Variants in LPAR1 observed in about 807,000 individuals in gnomAD.
LPAR1 encodes the protein lysophosphatidic acid receptor 1.
LPAR1 carries 5 observed loss-of-function variants against 23.8 expected under a neutral mutation model. The observed-to-expected ratio is 0.21, with a 90% CI of 0.11 to 0.44. The LOEUF is 0.44. LPAR1 is among the 20% of genes least tolerant of loss of function. LPAR1 has a pLI of 0.99. For missense variants in LPAR1, 311 were observed against 482.8 expected, an observed-to-expected ratio of 0.64 and a Z score of 3.33; for synonymous variants, 160 against 164.7, an observed-to-expected ratio of 0.97 and a Z score of 0.22.
intron 5 of LPAR1, among the ~76,000 whole-genome samples, chr9:110,881,519 G>A (rs1480319849): frequency 6.6e-6 from 1 of 152,044 alleles, no homozygotes; most frequent in African/African-American, 2.4e-5. Flanking sequence ...ATTAAGTAGT[G>A]TGTATTGCGC....
intron 5 of LPAR1, among the ~76,000 whole-genome samples, chr9:110,926,723 T>C (rs1267021922): frequency 6.6e-6 from 1 of 152,036 alleles, no homozygotes; most frequent in Non-Finnish European, 1.5e-5. Context: ...TCTCCTTTCC[T>C]TTCCTTTTCC....
chr9:110,938,733 G>C (rs143662848), intron 5 of LPAR1, among the ~76,000 whole-genome samples: 197 of 152,030 alleles, frequency 1.3e-3, no homozygotes, highest in Non-Finnish European at 1.7e-3. Context: ...GGGTAGCTGG[G>C]TGTGGTGGTA....
intron 2 of LPAR1, among the ~76,000 whole-genome samples, chr9:111,000,068 C>T (rs1391887101): frequency 1.3e-5 from 2 of 152,150 alleles, no homozygotes; most frequent in East Asian, 3.9e-4. Context: ...GCCCTTATGA[C>T]CTAATCACCT....
intron 4 of LPAR1, among the ~76,000 whole-genome samples, chr9:110,965,361 T>A (rs1003952316): frequency 1.3e-5 from 2 of 151,972 alleles, no homozygotes; most frequent in African/African-American, 4.8e-5. Flanking sequence ...GGGAGAAAAA[T>A]TTTGCAATCT....
intron 2 of LPAR1, among the ~76,000 whole-genome samples, chr9:110,991,621 G>GTTT (rs879878639): frequency 6.6e-6 from 1 of 150,688 alleles, no homozygotes. Flanking sequence ...TGTTGTTGTT[G>GTTT]TTTTTTGGGA....
chr9:111,020,008 CT>C (rs1216701875), intron 2 of LPAR1, among the ~76,000 whole-genome samples: 1 of 152,176 alleles, frequency 6.6e-6, no homozygotes, highest in African/African-American at 2.4e-5. Flanking sequence ...CTCACACAGC[CT>C]TTCCTTGGTG....
At chr9:110,954,175 T>C (rs1194796442) in intron 4 of LPAR1, among the ~76,000 whole-genome samples, 1 of 151,872 alleles carries the variant, frequency 6.6e-6, no homozygotes, top group Non-Finnish European at 1.5e-5. Context: ...ACAAAATACA[T>C]TCAAAAAGCT....
intron 2 of LPAR1, among the ~76,000 whole-genome samples, chr9:111,003,919 A>T (rs1437297222): frequency 6.6e-6 from 1 of 152,226 alleles, no homozygotes; most frequent in African/African-American, 2.4e-5. Context: ...ATTTATTTGC[A>T]TATGTCTTGG....
intron 5 of LPAR1, 52 bp from the exon 6 acceptor site, chr9:110,875,774 A>C: frequency 9.7e-7 from 1 of 1,025,680 alleles, no homozygotes; most frequent in East Asian, 2.6e-5. Context: ...AGAATGAAAA[A>C]ATATTATAAA....
chr9:111,016,378 C>T (rs1048250275), intron 2 of LPAR1, among the ~76,000 whole-genome samples: 2 of 152,190 alleles, frequency 1.3e-5, no homozygotes, highest in Non-Finnish European at 2.9e-5. Context: ...AATCATAATG[C>T]CCACCTGTCT....
intron 2 of LPAR1, among the ~76,000 whole-genome samples, chr9:111,028,188 T>C (rs1588938863): frequency 6.6e-6 from 1 of 151,870 alleles, no homozygotes; most frequent in South Asian, 2.1e-4. Flanking sequence ...TGGAGTGCAG[T>C]GGCACAAACT....
rs144779089 is a variant in LPAR1, at chr9:110,941,830, A to G, written c.384T>C (p.Ile128=). The change falls in exon 5 of 6, where the codon ATT becomes ATC. Residue 128 remains isoleucine (I), a synonymous_variant. Transcript: ENST00000683809. The surrounding 1 kb of genome is among the most constrained non-coding windows in gnomAD (Gnocchi z 6.1). Reference sequence around the variant, plus strand: ...CCACAGATGCCGTCAGGCTGGTGTCAATGAGGCCCTGACGAAGGAGCCATG... The same window carrying G: ...CCACAGATGCCGTCAGGCTGGTGTCGATGAGGCCCTGACGAAGGAGCCATG... ...VSTWLLRQGL[I]DTSLTASVAN... is the part of the protein sequence containing the mutation. 1 of 1,614,214 alleles carries G rather than the reference A, an allele frequency of 6.2e-7. No homozygotes were observed. The highest frequency in any genetic ancestry group is 1.3e-5 in the African/African-American group (1 of 75,064).
intron 2 of LPAR1, among the ~76,000 whole-genome samples, chr9:110,988,634 T>C (rs1441592367): frequency 9.6e-6 from 1 of 103,900 alleles, no homozygotes; most frequent in Non-Finnish European, 2.1e-5. Context: ...TTAAAAGACA[T>C]AATAACAAGT....
intron 5 of LPAR1, among the ~76,000 whole-genome samples, chr9:110,897,721 A>G (rs2086936899): frequency 6.6e-6 from 1 of 152,192 alleles, no homozygotes; most frequent in African/African-American, 2.4e-5. Flanking sequence ...AAAAGGAAAA[A>G]GACAACTGGA....
chr9:110,879,358 C>A (rs1274450661), intron 5 of LPAR1, among the ~76,000 whole-genome samples: 1 of 133,672 alleles, frequency 7.5e-6, no homozygotes, highest in African/African-American at 2.9e-5. Context: ...GCAGAGGTTG[C>A]AGTGAGCCAA....
At chr9:111,009,563 TTA>T (rs1564328972) in intron 2 of LPAR1, among the ~76,000 whole-genome samples, 1 of 152,110 alleles carries the variant, frequency 6.6e-6, no homozygotes, top group Non-Finnish European at 1.5e-5. Context: ...AATGATTGGT[TTA>T]TGTTTGAGTG....
At chr9:111,017,508 GA>G (rs1483957195) in intron 2 of LPAR1, among the ~76,000 whole-genome samples, 1 of 152,194 alleles carries the variant, frequency 6.6e-6, no homozygotes, top group African/African-American at 2.4e-5. Flanking sequence ...AGTGGTCCCT[GA>G]CTGTAATATC....
intron 5 of LPAR1, among the ~76,000 whole-genome samples, chr9:110,913,007 T>C (rs1326898): frequency 0.29 from 43,508 of 152,144 alleles, 6,762 homozygotes; most frequent in South Asian, 0.35. Context: ...AGTTACTCTT[T>C]AGCACATCCT....
intron 2 of LPAR1, among the ~76,000 whole-genome samples, chr9:111,023,835 G>A (rs1003399073): frequency 6.6e-5 from 10 of 152,170 alleles, no homozygotes; most frequent in Non-Finnish European, 1.3e-4. Context: ...AGTTTACTAT[G>A]TGTAGTAAAC....
Sources: gnomAD v4.1 joint callset for allele counts (sites outside exome capture counted in the v4.1 genomes callset) on GRCh38, gnomAD v4.1.1 for gene constraint, Gnocchi (gnomAD v3.1) non-coding constraint, MANE v1.5 for transcripts, NCBI Gene and HGNC (gene_info 2026-07-23, HGNC 2026-07-21) for gene names.